Variants in GNS observed in about 807,000 individuals in gnomAD.
GNS encodes the protein N-acetylglucosamine-6-sulfatase.
In GNS, 40 loss-of-function variants were observed where a neutral mutation model predicts 69.7. The ratio of observed to expected loss-of-function variants is 0.57; its 90% CI spans 0.45 to 0.75. The LOEUF is 0.75. Among genes scored for constraint, GNS ranks in the 30% least tolerant of loss-of-function variants. GNS has a pLI of 0.00. For missense variants in GNS, 565 were observed against 685.5 expected, an observed-to-expected ratio of 0.82 and a Z score of 1.96; for synonymous variants, 243 against 251.6, an observed-to-expected ratio of 0.97 and a Z score of 0.32.
intron 1 of GNS, among the ~76,000 whole-genome samples, chr12:64,758,204 C>G (rs1038943): frequency 0.6 from 90,303 of 151,750 alleles, 27,120 homozygotes; most frequent in East Asian, 0.88. Context: ...TCTAATGCAA[C>G]AGTCAGGTGT....
At chr12:64,718,470 C>G (rs1868930680) in intron 13 of GNS, among the ~76,000 whole-genome samples, 1 of 152,246 alleles carries the variant, frequency 6.6e-6, no homozygotes, top group African/African-American at 2.4e-5. Context: ...CAAATCACAA[C>G]TGCAAGCTCA....
At position 64,721,671 on chromosome 12, in the gene GNS, T is replaced by C. The variant is rs757534763; in HGVS notation, c.1343A>G (p.Tyr448Cys). Residue 448 changes from tyrosine to cysteine, a missense_variant, in exon 12 of 14, where the codon TAT becomes TGT. Tyr to Cys is a radical substitution (Grantham distance 194). Coordinates refer to ENST00000258145, the MANE Select transcript of GNS (RefSeq NM_002076.4). ...CFPDCVCEDA[Y>C]NNTYACVRTM... ...CCTCACACAGGCATAGGTATTGTTA[T>C]AAGCATCTTCACATACACAGTCTGG... 6.9e-6 allele frequency: 11 copies of C among 1,588,106 alleles called. No homozygotes were observed. Among genetic ancestry groups the C allele is most frequent in the South Asian group, 6.6e-5 (6 of 90,546 alleles).
chr12:64,752,816 C>T (rs368171634), intron 1 of GNS, 59 bp from the exon 2 acceptor site: 3 of 852,212 alleles, frequency 3.5e-6, no homozygotes, highest in East Asian at 2.4e-5. Context: ...AGACACACAG[C>T]CCAGAATTCC....
chr12:64,732,437 G>A (rs150915004), intron 9 of GNS, among the ~76,000 whole-genome samples: 6,171 of 149,870 alleles, frequency 0.041, 389 homozygotes, highest in African/African-American at 0.14. Context: ...CAAAGTGCTG[G>A]GATTACAGGT....
chr12:64,759,093 C>A lies in GNS; in HGVS notation c.184G>T (p.Gly62Cys). 1.3e-6 allele frequency: 2 copies of A among 1,561,478 alleles called. No individual in the cohort carries two copies. Among genetic ancestry groups the A allele is most frequent in the East Asian group, 2.4e-5 (1 of 42,444 alleles). Reference sequence around the variant, plus strand: ...AGAAACAGAAGAGTTACCATGCCGCCGAGCACTTCGTCCTGGTCGTCCGTG... The same window carrying A: ...AGAAACAGAAGAGTTACCATGCCGCAGAGCACTTCGTCCTGGTCGTCCGTG... ...LLTDDQDEVL[G>C]GMTPLKKTKA... Residue 62 changes from glycine (G) to cysteine (C), a missense_variant, in exon 1 of 14, where the codon GGC (glycine) becomes TGC (cysteine). By Grantham distance (159) the Gly-to-Cys change is radical. Coordinates refer to ENST00000258145, the MANE Select transcript of GNS (RefSeq NM_002076.4).
Position 64,714,179 on chromosome 12 carries a change from A to C in GNS, c.*2562T>G, listed in dbSNP as rs2136234321. Reference sequence around the variant, plus strand: ...CCATTTGTCAAATTCAAAGATGCTCAAAAGGTGTTCCCTACTTTGCATGAG... The same window carrying C: ...CCATTTGTCAAATTCAAAGATGCTCCAAAGGTGTTCCCTACTTTGCATGAG... On this transcript the variant is annotated 3_prime_UTR_variant, in exon 14 of 14. Transcript: ENST00000258145. 6.6e-6 allele frequency: 1 copy of C among 152,330 alleles called. No individual in the cohort carries two copies. Among genetic ancestry groups the C allele is most frequent in the East Asian group, 1.9e-4 (1 of 5,186 alleles). 9.4% of individuals were successfully genotyped at this position (152,330 alleles called of 1,614,324 possible).
intron 10 of GNS, 148 bp downstream of exon 10, chr12:64,728,807 AT>A (rs1289055214): frequency 6.3e-6 from 4 of 636,982 alleles, no homozygotes; most frequent in Non-Finnish European, 1.1e-5. Context: ...ATGTGGTCTA[AT>A]TTTTTATTTT....
At chr12:64,748,840 G>A (rs557104573) in intron 2 of GNS, among the ~76,000 whole-genome samples, 6 of 152,320 alleles carry the variant, frequency 3.9e-5, no homozygotes, top group Admixed American at 3.9e-4. Flanking sequence ...GACCAGCAGG[G>A]AAGGAATGGG....
rs546487243 is a variant in GNS at position 64,728,217 on chromosome 12, C to T, written c.1200+739G>A. Among the ~76,000 whole-genome samples, 5 of 152,294 alleles carry T rather than the reference C, an allele frequency of 3.3e-5. No individual in the cohort carries two copies. The East Asian group carries it at 7.7e-4, about 24-fold the overall frequency. On this transcript the variant is annotated intron_variant, in intron 10 of 13. Coordinates refer to ENST00000258145, the MANE Select transcript of GNS (RefSeq NM_002076.4). Reference sequence around the variant, plus strand: ...CTGGGATTACAGGCGTAAGCCACCGCGCCTGGCCGACACTTTAAATGAGTG... The same window carrying T: ...CTGGGATTACAGGCGTAAGCCACCGTGCCTGGCCGACACTTTAAATGAGTG...
chr12:64,724,762 G>A (rs989861598), intron 10 of GNS, among the ~76,000 whole-genome samples: 2 of 152,202 alleles, frequency 1.3e-5, no homozygotes, highest in African/African-American at 4.8e-5. Context: ...TTGGGAGGCT[G>A]AGGCAGGATA....
At chr12:64,746,890 G>C (rs975983089) in intron 3 of GNS, among the ~76,000 whole-genome samples, 4 of 152,126 alleles carry the variant, frequency 2.6e-5, no homozygotes, top group African/African-American at 7.2e-5. Context: ...AATTATTGGG[G>C]GGAGGGGAGA....
At chr12:64,739,638 T>A (rs1400820725) in intron 7 of GNS, 139 bp from the exon 8 acceptor site, 9 of 454,474 alleles carry the variant, frequency 2.0e-5, no homozygotes, top group East Asian at 4.1e-5. Flanking sequence ...AACCCCCGTT[T>A]AAAAAAAAAA....
At chr12:64,719,702 GCTTA>G (rs1468168416) in intron 13 of GNS, among the ~76,000 whole-genome samples, 3 of 152,256 alleles carry the variant, frequency 2.0e-5, no homozygotes, top group Admixed American at 1.3e-4. Flanking sequence ...GTGGGTCGCA[GCTTA>G]CTTAAAGAAG....
Position 64,721,719 on chromosome 12 carries a change from T to G in GNS, c.1309-14A>C. The G allele has an allele frequency of 1.6e-6, 2 of 1,279,948 alleles. No individual in the cohort carries two copies. Among genetic ancestry groups the G allele is most frequent in the South Asian group, 1.2e-5 (1 of 84,442 alleles). The allele number at this position is 1,279,948 out of a possible 1,614,324, so 79.3% of individuals were successfully genotyped here. ...TGGGAAGCATTGCTGTAGGGATATT[T>G]CAAAAGTTAAATGAAGACAGTTCTT... On this transcript the variant is annotated splice_polypyrimidine_tract_variant and intron_variant, in intron 11 of 13. Transcript: ENST00000258145.
chr12:64,756,861 A>G, intron 1 of GNS: 1 of 642,346 alleles, frequency 1.6e-6, no homozygotes, highest in Non-Finnish European at 2.7e-6. Flanking sequence ...CACTTATTAA[A>G]AAAAAGAATC....
At chr12:64,720,857 C>T (rs955294938) in intron 12 of GNS, among the ~76,000 whole-genome samples, 1 of 152,106 alleles carries the variant, frequency 6.6e-6, no homozygotes, top group African/African-American at 2.4e-5. Context: ...AGGTAGCTGC[C>T]CTCACTCACA....
At chr12:64,754,457 AGAGG>A (rs1177201303) in intron 1 of GNS, among the ~76,000 whole-genome samples, 1 of 152,188 alleles carries the variant, frequency 6.6e-6, no homozygotes, top group African/African-American at 2.4e-5. Context: ...AAGGGCTGCC[AGAGG>A]AAGGAGAGAG....
chr12:64,728,037 C>G (rs1377456978), intron 10 of GNS, among the ~76,000 whole-genome samples: 2 of 152,192 alleles, frequency 1.3e-5, no homozygotes, highest in African/African-American at 4.8e-5. Context: ...GATTCTTCTG[C>G]CTCAGCCTCC....
intron 2 of GNS, among the ~76,000 whole-genome samples, chr12:64,751,936 C>T (rs1405181230): frequency 2.3e-5 from 3 of 131,790 alleles, no homozygotes; most frequent in Non-Finnish European, 4.6e-5. Context: ...TGCAGTGAGT[C>T]GAGATTGCGC....
Sources: allele counts gnomAD v4.1 joint callset (sites outside exome capture counted in the v4.1 genomes callset), GRCh38; gene constraint gnomAD v4.1.1; transcripts MANE v1.5; gene names NCBI Gene and HGNC (gene_info 2026-07-23, HGNC 2026-07-21).